Variants in STT3B observed in about 807,000 individuals in gnomAD.
STT3B encodes the protein STT3 oligosaccharyltransferase complex catalytic subunit B, also known as dolichyl-diphosphooligosaccharide--protein glycosyltransferase subunit STT3B.
Under a neutral mutation model 96.8 loss-of-function variants are expected in STT3B, and 29 were observed. That is an observed-to-expected ratio of 0.30 (90% CI 0.22 to 0.41). The LOEUF is 0.41. Ranked by LOEUF, STT3B falls within the 10% of genes least tolerant of loss-of-function variation. The probability of loss-of-function intolerance (pLI) is 1.00; values close to 1 mark genes in which losing one functional copy is unlikely to be tolerated. For synonymous variants in STT3B, 367 were observed against 360.0 expected (o/e 1.02, Z -0.22); for missense variants, 640 against 1,022.3 (o/e 0.63, Z 5.10).
In STT3B at chr3:31,615,105, C is replaced by T. The variant is rs1312281368; in HGVS notation, c.878C>T (p.Ala293Val). ...MQRYSKRVYI[A>V]YSTFYIVGLI... is the part of the protein sequence containing the mutation. ...CTTGTTTCCTATTTTGTCTTTATAG[C>T]ATATAGCACTTTCTACATTGTGGGT... Residue 293 changes from alanine to valine, a missense_variant and splice_region_variant, in exon 6 of 16, where the codon GCA becomes GTA. Around this residue, in one of 8 missense-constraint regions of STT3B, gnomAD observed 267 missense variants for 388.3 expected, o/e 0.69. Coordinates refer to ENST00000295770, the MANE Select transcript of STT3B (RefSeq NM_178862.3). 1.9e-6 allele frequency: 3 copies of T among 1,588,302 alleles called. No individual in the cohort carries two copies. Among genetic ancestry groups the T allele is most frequent in the South Asian group, 1.1e-5 (1 of 88,446 alleles).
At chr3:31,606,880 G>C (rs900430285) in intron 5 of STT3B, among the ~76,000 whole-genome samples, 1 of 152,186 alleles carries the variant, frequency 6.6e-6, no homozygotes, top group Non-Finnish European at 1.5e-5. Flanking sequence ...CAACCAGGAG[G>C]GAGGCTGTAC....
intron 1 of STT3B, among the ~76,000 whole-genome samples, chr3:31,552,930 C>T (rs531600600): frequency 6.6e-6 from 1 of 151,894 alleles, no homozygotes; most frequent in African/African-American, 2.4e-5. Context: ...GGTGAAACCC[C>T]GTCTCTACTA....
intron 15 of STT3B, among the ~76,000 whole-genome samples, chr3:31,634,037 A>G (rs984974640): frequency 1.3e-5 from 2 of 152,194 alleles, no homozygotes; most frequent in Admixed American, 6.5e-5. Context: ...TTTGTACTAT[A>G]AAAGTGCTGA....
intron 15 of STT3B, among the ~76,000 whole-genome samples, chr3:31,634,360 T>C (rs1699720449): frequency 6.6e-6 from 1 of 152,212 alleles, no homozygotes; most frequent in African/African-American, 2.4e-5. Flanking sequence ...TCTGATGATA[T>C]AGACCCCAAA....
intron 5 of STT3B, among the ~76,000 whole-genome samples, chr3:31,611,034 C>T (rs900164000): frequency 3.3e-5 from 5 of 152,124 alleles, no homozygotes; most frequent in Non-Finnish European, 7.4e-5. Flanking sequence ...AGTAGGTTTA[C>T]ATGGATGGAT....
At chr3:31,544,429 A>C (rs144878898) in intron 1 of STT3B, among the ~76,000 whole-genome samples, 1 of 152,210 alleles carries the variant, frequency 6.6e-6, no homozygotes, top group East Asian at 1.9e-4. Context: ...AACCAGATAA[A>C]GTCTTTATTT....
rs967129453 is a variant in STT3B at position 31,555,210 on chromosome 3, T to C, written c.315-21186T>C. On this transcript the variant is annotated intron_variant, in intron 1 of 15. Transcript: ENST00000295770. ...GGCAAGATGTTTAGGAATGCCAAAA[T>C]CTAAAACTGTGTGGCTGCATGCATA... Among the ~76,000 whole-genome samples the C allele has an allele frequency of 2.6e-5, 4 of 152,308 alleles. 1 individual carries two copies. The highest frequency in any genetic ancestry group is 1.9e-4 in the East Asian group (1 of 5,190).
At chr3:31,606,235 C>T (rs1425761972) in intron 5 of STT3B, among the ~76,000 whole-genome samples, 2 of 152,192 alleles carry the variant, frequency 1.3e-5, no homozygotes, top group African/African-American at 4.8e-5. Flanking sequence ...AACCCATTCT[C>T]TGAGGAGAAA....
chr3:31,563,771 G>A (rs1397702772), intron 1 of STT3B, among the ~76,000 whole-genome samples: 1 of 152,180 alleles, frequency 6.6e-6, no homozygotes, highest in Non-Finnish European at 1.5e-5. Flanking sequence ...GCCAGAACAA[G>A]TGCTGAAATT....
chr3:31,582,030 C>T (rs145650952), intron 3 of STT3B, among the ~76,000 whole-genome samples: 1 of 152,236 alleles, frequency 6.6e-6, no homozygotes, highest in East Asian at 1.9e-4. Flanking sequence ...CCTATGGAAT[C>T]AGTAGTAATG....
At chr3:31,614,233 A>T (rs1384194647) in intron 5 of STT3B, among the ~76,000 whole-genome samples, 1 of 151,954 alleles carries the variant, frequency 6.6e-6, no homozygotes, top group Non-Finnish European at 1.5e-5. Context: ...TTTGCCAAAA[A>T]CTATTAAATG....
chr3:31,541,173 A>G (rs1575403805), intron 1 of STT3B, among the ~76,000 whole-genome samples: 1 of 152,310 alleles, frequency 6.6e-6, no homozygotes, highest in South Asian at 2.1e-4. Flanking sequence ...ATTCAGTTTC[A>G]GTTTTTAAAG....
chr3:31,619,509 G>A (rs375988500), intron 8 of STT3B, among the ~76,000 whole-genome samples, 167 bp from the exon 9 acceptor site: 39 of 152,264 alleles, frequency 2.6e-4, no homozygotes, highest in African/African-American at 9.4e-4. Flanking sequence ...TACCAGTGTA[G>A]ACCAAACAGA....
chr3:31,629,387 A>T lies in STT3B; in HGVS notation c.2163A>T (p.Ser721=). The T allele has an allele frequency of 6.3e-7, 1 of 1,598,994 alleles. No homozygotes were observed. The highest frequency in any genetic ancestry group is 1.1e-5 in the South Asian group (1 of 89,082). ...TLLNCLMYKM[S]YYRFGEMQLD... ...TGAATTGCCTTATGTATAAAATGTC[A>T]TACTACAGATTTGGAGAAATGCAGG... is the stretch of plus-strand genomic sequence containing the variant. Residue 721 remains serine (S), a synonymous_variant, in exon 14 of 16, where the codon TCA becomes TCT. Coordinates refer to ENST00000295770, the MANE Select transcript of STT3B (RefSeq NM_178862.3).
chr3:31,608,061 C>T (rs1338890397), intron 5 of STT3B, among the ~76,000 whole-genome samples: 2 of 152,098 alleles, frequency 1.3e-5, no homozygotes, highest in African/African-American at 4.8e-5. Context: ...ATGTTTGTGG[C>T]AGATAAAGTT....
intron 12 of STT3B, among the ~76,000 whole-genome samples, chr3:31,625,473 A>C (rs1044194531): frequency 2.6e-5 from 4 of 152,260 alleles, no homozygotes; most frequent in African/African-American, 7.2e-5. Context: ...TTAAACAACT[A>C]ATCTGCATAG....
At chr3:31,569,986 TCA>T (rs1449398821) in intron 1 of STT3B, among the ~76,000 whole-genome samples, 8 of 152,112 alleles carry the variant, frequency 5.3e-5, no homozygotes, top group African/African-American at 1.9e-4. Flanking sequence ...ATGGAAAATT[TCA>T]AACATACAGC....
At chr3:31,611,154 C>T (rs1357043455) in intron 5 of STT3B, among the ~76,000 whole-genome samples, 1 of 152,086 alleles carries the variant, frequency 6.6e-6, no homozygotes, top group African/African-American at 2.4e-5. Context: ...TTGAGGTCTT[C>T]TGAAAACACT....
chr3:31,602,660 ATTTT>A (rs11316900), intron 5 of STT3B, among the ~76,000 whole-genome samples: 143 of 125,062 alleles, frequency 1.1e-3, no homozygotes, highest in African/African-American at 1.9e-3. Flanking sequence ...GGTAGCTGGG[ATTTT>A]TTTTTTTTTT....
Sources: allele counts gnomAD v4.1 joint callset (sites outside exome capture counted in the v4.1 genomes callset), GRCh38; gene constraint gnomAD v4.1.1; regional missense constraint gnomAD v4.1.1; transcripts MANE v1.5; gene names NCBI Gene and HGNC (gene_info 2026-07-23, HGNC 2026-07-21).